RDH11: variants seen among roughly 807,000 people sequenced by gnomAD.
The protein encoded by RDH11 is retinol dehydrogenase 11.
In RDH11, 19 loss-of-function variants were observed where a neutral mutation model predicts 33.4. The ratio of observed to expected loss-of-function variants is 0.57; its 90% CI spans 0.40 to 0.83. The LOEUF is 0.83. Ranked by LOEUF, RDH11 falls within the 40% of genes least tolerant of loss-of-function variation. The pLI is 0.00. For missense variants in RDH11, 353 were observed against 389.0 expected (o/e 0.91, Z 0.78); for synonymous variants, 154 against 155.3 (o/e 0.99, Z 0.06).
chr14:67,692,194 C>T (rs2037758547), intron 3 of RDH11: 1 of 453,492 alleles, frequency 2.2e-6, no homozygotes, highest in African/African-American at 2.1e-5. Flanking sequence ...CTGAGACTCC[C>T]ATGAGATTTC....
chr14:67,683,713 G>A (rs2037642680), intron 6 of RDH11, among the ~76,000 whole-genome samples: 1 of 152,126 alleles, frequency 6.6e-6, no homozygotes, highest in South Asian at 2.1e-4. Context: ...GCTGGCATTC[G>A]CTCACTCTAG....
Position 67,691,259 on chromosome 14 carries a change from C to G in RDH11, c.350-15G>C, listed in dbSNP as rs765626906. The G allele has an allele frequency of 6.3e-7, 1 of 1,594,650 alleles. No individual in the cohort carries two copies. On this transcript the variant is annotated splice_polypyrimidine_tract_variant and intron_variant, in intron 3 of 6. Transcript: ENST00000381346. ...GTGCTTTTCCTCTGCAGGGACAAGA[C>G]GATGGAGCGTGGAAGTGGCTAGCCA...
chr14:67,682,247 C>CA lies in RDH11; in HGVS notation c.854+2767dup, dbSNP rs1241295147. On this transcript the variant is annotated intron_variant, in intron 6 of 6. Coordinates refer to ENST00000381346, the MANE Select transcript of RDH11 (RefSeq NM_016026.4). Reference sequence around the variant, plus strand: ...TTCTTAGATATGACTGCACAAGTGACAAAAAATAGATAAACTGGACTTCAT... The same window carrying CA: ...TTCTTAGATATGACTGCACAAGTGACAAAAAAATAGATAAACTGGACTTCAT... 2.0e-5 allele frequency among the ~76,000 whole-genome samples: 3 copies of CA among 152,178 alleles called. No individual in the cohort carries two copies. In the East Asian group the frequency reaches 5.8e-4, roughly 29 times the overall value.
rs1566822691 is a variant in RDH11 at position 67,677,374 on chromosome 14, T to TTG, written c.*946_*947insCA. On this transcript the variant is annotated 3_prime_UTR_variant, in exon 7 of 7. Coordinates refer to ENST00000381346, the MANE Select transcript of RDH11 (RefSeq NM_016026.4). ...TGTTTGTTTTTAGGATTTTTTTTTT[T>TTG]TTTTTTTTTTTTTTTTTTGCCACAC... 1 of 140,224 alleles carries TTG rather than the reference T, an allele frequency of 7.1e-6. No homozygotes were observed. Among genetic ancestry groups the TTG allele is most frequent in the Non-Finnish European group, 1.5e-5 (1 of 64,598 alleles). The allele number at this position is 140,224 out of a possible 1,614,324, so 8.7% of individuals were successfully genotyped here.
chr14:67,686,948 G>A (rs1157719093), intron 5 of RDH11, among the ~76,000 whole-genome samples: 1 of 152,060 alleles, frequency 6.6e-6, no homozygotes, highest in African/African-American at 2.4e-5. Context: ...CTGCCTACTC[G>A]ACATCTCCCT....
rs1467017860 is a variant in RDH11 at position 67,692,938 on chromosome 14, C to G, written c.189G>C (p.Gln63His). The G allele has an allele frequency of 5.6e-6, 9 of 1,609,030 alleles. No homozygotes were observed. Among genetic ancestry groups the G allele is most frequent in the Non-Finnish European group, 6.8e-6 (8 of 1,175,768 alleles). ...ATTGAAAGGAGGTGAACTTGCCTCT[C>G]TGAGCCAGCTCTTTGGCTGTCTCCT... is the stretch of plus-strand genomic sequence containing the variant. ...IGKETAKELA[Q>H]RGARVYLACR... The change falls in exon 2 of 7, where the codon CAG becomes CAC. Residue 63 changes from glutamine to histidine, a missense_variant. Gln to His is a conservative substitution (Grantham distance 24). Coordinates refer to ENST00000381346, the MANE Select transcript of RDH11 (RefSeq NM_016026.4).
chr14:67,679,595 G>C (rs765575631), intron 6 of RDH11, among the ~76,000 whole-genome samples: 2 of 151,908 alleles, frequency 1.3e-5, no homozygotes, highest in Non-Finnish European at 2.9e-5. Context: ...GTAGAGACAG[G>C]GTTTTGCCAT....
chr14:67,690,782 A>C, intron 4 of RDH11: 1 of 380,076 alleles, frequency 2.6e-6, no homozygotes, highest in Non-Finnish European at 4.8e-6. Flanking sequence ...CAGGAGTTTA[A>C]GTACAGCCTG....
intron 6 of RDH11, 108 bp from the exon 7 acceptor site, chr14:67,678,531 A>G: frequency 1.5e-6 from 1 of 679,348 alleles, no homozygotes; most frequent in Admixed American, 2.3e-5. Context: ...CATGTTCTCC[A>G]TGTACTTCAC....
chr14:67,687,466 C>CT (rs1566827599), intron 5 of RDH11, among the ~76,000 whole-genome samples: 1 of 116,706 alleles, frequency 8.6e-6, no homozygotes, highest in African/African-American at 3.1e-5. Context: ...CCTCCATATT[C>CT]CTTTTTTTTT....
chr14:67,684,587 C>CTT (rs545781349), intron 6 of RDH11: 39 of 142,272 alleles, frequency 2.7e-4, no homozygotes, highest in East Asian at 1.2e-3. Flanking sequence ...GATTCAAATT[C>CTT]TTTTTTTTTT....
At chr14:67,686,032 T>C (rs1312363280) in intron 5 of RDH11, 1 of 152,224 alleles carries the variant, frequency 6.6e-6, no homozygotes, top group Non-Finnish European at 1.5e-5. Flanking sequence ...CATTAAATGT[T>C]GGAGTTCTCG....
Position 67,678,437 on chromosome 14 carries a change from A to G in RDH11, c.855-14T>C. 1 of 1,569,932 alleles carries G rather than the reference A, an allele frequency of 6.4e-7. No individual in the cohort carries two copies. Among genetic ancestry groups the G allele is most frequent in the Non-Finnish European group, 8.8e-7 (1 of 1,139,962 alleles). The stretch of plus-strand genomic sequence containing the variant: ...ACATGACAGTCACTGGAAGGTAAAG[A>G]GAAAGGTATGAAGCACAGTGTTAAG... On this transcript the variant is annotated splice_polypyrimidine_tract_variant and intron_variant, in intron 6 of 6. Transcript: ENST00000381346.
chr14:67,695,227 G>A (rs1375228575), intron 1 of RDH11, among the ~76,000 whole-genome samples: 2 of 152,212 alleles, frequency 1.3e-5, no homozygotes, highest in African/African-American at 4.8e-5. Context: ...GCGAAATGTG[G>A]AATCGCTCCT....
At chr14:67,679,380 C>T (rs1023623077) in intron 6 of RDH11, among the ~76,000 whole-genome samples, 2 of 151,612 alleles carry the variant, frequency 1.3e-5, no homozygotes, top group Non-Finnish European at 2.9e-5. Flanking sequence ...TATACCCTCT[C>T]TTCATTGCTG....
chr14:67,692,555 C>A lies in RDH11; in HGVS notation c.232G>T (p.Gly78Trp), dbSNP rs2037763877. The change falls in exon 3 of 7, where the codon GGG becomes TGG. Residue 78 changes from glycine (G) to tryptophan (W), a missense_variant. Physicochemically the swap from Gly to Trp is radical, Grantham distance 184 (BLOSUM62 -2). Transcript: ENST00000381346. ...VYLACRDVEK[G>W]ELVAKEIQTT... is the part of the protein sequence containing the mutation. ...TGGATCTCTTTGGCCACCAATTCCC[C>A]CTTTTCCACATCCCGGCAAGCTAAA... 1 of 1,608,132 alleles carries A rather than the reference C, an allele frequency of 6.2e-7. No individual in the cohort carries two copies. The highest frequency in any genetic ancestry group is 8.5e-7 in the Non-Finnish European group (1 of 1,177,736).
At chr14:67,689,588 GAATT>G (rs1314527522) in intron 5 of RDH11, among the ~76,000 whole-genome samples, 21 of 152,236 alleles carry the variant, frequency 1.4e-4, no homozygotes, top group African/African-American at 3.1e-4. Context: ...TATGAAGCCT[GAATT>G]AATTATGACA....
chr14:67,690,696 C>A, intron 4 of RDH11: 1 of 440,456 alleles, frequency 2.3e-6, no homozygotes, highest in Non-Finnish European at 4.1e-6. Flanking sequence ...TTCTTAAGAG[C>A]TGGTTGGCTG....
At position 67,685,192 on chromosome 14, in the gene RDH11, G is replaced by A. The variant is rs751434718; in HGVS notation, c.677C>T (p.Thr226Met). ...LARRLKGSGV[T>M]TYSVHPGTVQ... ...TGTGCCAGGGTGTACAGAATACGTC[G>A]TAACGCCAGAGCCTGGTTGGGGGTG... The change falls in exon 6 of 7, where the codon ACG (threonine) becomes ATG (methionine). Residue 226 changes from threonine (T) to methionine (M), a missense_variant. Transcript: ENST00000381346. The A allele has an allele frequency of 9.9e-6, 16 of 1,612,136 alleles. No homozygotes were observed. Among genetic ancestry groups the A allele is most frequent in the East Asian group, 2.2e-5 (1 of 44,846 alleles).
Sources: gnomAD v4.1 joint callset for allele counts (sites outside exome capture counted in the v4.1 genomes callset) on GRCh38, gnomAD v4.1.1 for gene constraint, MANE v1.5 for transcripts, NCBI Gene and HGNC (gene_info 2026-07-23, HGNC 2026-07-21) for gene names.